The following DYNC1I1 variants were observed in gnomAD, a reference collection of about 807,000 sequenced individuals.
DYNC1I1 encodes the protein dynein cytoplasmic 1 intermediate chain 1, also known as cytoplasmic dynein 1 intermediate chain 1.
Under a neutral mutation model 86.6 loss-of-function variants are expected in DYNC1I1, and 43 were observed. That is an observed-to-expected ratio of 0.50 (90% CI 0.39 to 0.64). The LOEUF is 0.64. Among genes scored for constraint, DYNC1I1 ranks in the 30% least tolerant of loss-of-function variants. DYNC1I1 has a pLI of 0.00. For missense variants in DYNC1I1, 604 were observed against 788.8 expected (o/e 0.77, Z 2.81); for synonymous variants, 262 against 283.7 (o/e 0.92, Z 0.77).
intron 10 of DYNC1I1, among the ~76,000 whole-genome samples, chr7:96,000,475 G>T (rs575792808): frequency 6.6e-6 from 1 of 152,228 alleles, no homozygotes; most frequent in South Asian, 2.1e-4. Context: ...AACTTACATG[G>T]ATCAGACCAG....
intron 6 of DYNC1I1, among the ~76,000 whole-genome samples, chr7:95,916,519 G>A (rs1010553568): frequency 6.6e-6 from 1 of 152,156 alleles, no homozygotes; most frequent in Non-Finnish European, 1.5e-5. Context: ...TGTTCTATTA[G>A]ATCTGAGTTG....
chr7:96,051,584 C>T (rs916885093), intron 14 of DYNC1I1, among the ~76,000 whole-genome samples: 12 of 152,174 alleles, frequency 7.9e-5, no homozygotes, highest in African/African-American at 2.9e-4. Context: ...AGTTAACATG[C>T]ATCTCAATCC....
chr7:95,809,763 A>G (rs112727075), intron 2 of DYNC1I1, among the ~76,000 whole-genome samples: 3,350 of 152,264 alleles, frequency 0.022, 64 homozygotes, highest in Middle Eastern at 0.054. Flanking sequence ...TTTCTACATG[A>G]TAATTTTCTT....
intron 8 of DYNC1I1, among the ~76,000 whole-genome samples, chr7:95,986,271 C>T (rs545766777): frequency 6.6e-6 from 1 of 152,216 alleles, no homozygotes; most frequent in East Asian, 1.9e-4. Flanking sequence ...AATTTCTGAA[C>T]CAAAGCCCAA....
At chr7:95,995,488 A>T (rs1172738716) in intron 9 of DYNC1I1, among the ~76,000 whole-genome samples, 1 of 152,158 alleles carries the variant, frequency 6.6e-6, no homozygotes, top group Non-Finnish European at 1.5e-5. Flanking sequence ...AATTAAGCCT[A>T]GAGATATAGA....
At chr7:95,948,791 A>T (rs1050800721) in intron 6 of DYNC1I1, among the ~76,000 whole-genome samples, 2 of 152,178 alleles carry the variant, frequency 1.3e-5, no homozygotes, top group Non-Finnish European at 2.9e-5. Context: ...AGGTTTTGCA[A>T]AACTGGAGCA....
intron 6 of DYNC1I1, among the ~76,000 whole-genome samples, chr7:95,913,659 G>T (rs1188312219): frequency 3.3e-5 from 5 of 152,130 alleles, no homozygotes; most frequent in African/African-American, 9.7e-5. Flanking sequence ...CTCTTACCTA[G>T]TCTCAGGTAT....
chr7:96,050,437 A>G (rs1427250026), intron 14 of DYNC1I1, among the ~76,000 whole-genome samples: 1 of 152,254 alleles, frequency 6.6e-6, no homozygotes, highest in Non-Finnish European at 1.5e-5. Flanking sequence ...GCATATTTAG[A>G]GAAAATGCAA....
intron 1 of DYNC1I1, among the ~76,000 whole-genome samples, chr7:95,794,025 A>G (rs1465949004): frequency 6.6e-6 from 1 of 152,222 alleles, no homozygotes; most frequent in East Asian, 1.9e-4. Flanking sequence ...AAGTGCAGTC[A>G]TGGTAGCTTT....
intron 1 of DYNC1I1, among the ~76,000 whole-genome samples, chr7:95,785,819 T>A (rs963130892): frequency 1.7e-5 from 2 of 114,634 alleles, no homozygotes; most frequent in Middle Eastern, 0.011. Flanking sequence ...ATATATATAT[T>A]ATATATAACA....
intron 14 of DYNC1I1, among the ~76,000 whole-genome samples, chr7:96,065,073 A>G (rs1419227506): frequency 6.6e-6 from 1 of 152,192 alleles, no homozygotes; most frequent in Non-Finnish European, 1.5e-5. Context: ...CACTTGAAGA[A>G]TCAGCGTGCA....
At chr7:95,835,003 C>T (rs1789036003) in intron 5 of DYNC1I1, among the ~76,000 whole-genome samples, 1 of 130,726 alleles carries the variant, frequency 7.6e-6, no homozygotes, top group Non-Finnish European at 1.6e-5. Flanking sequence ...TTATTTCTTG[C>T]CTTCTGCTAG....
At chr7:96,104,634 TG>T (rs1157452512) in intron 16 of DYNC1I1, among the ~76,000 whole-genome samples, 3 of 152,156 alleles carry the variant, frequency 2.0e-5, no homozygotes, top group African/African-American at 7.2e-5. Flanking sequence ...ATTTTCTTTT[TG>T]TTCATTAAAT....
chr7:95,823,065 CTT>C (rs1795115451), intron 4 of DYNC1I1, among the ~76,000 whole-genome samples: 1 of 152,150 alleles, frequency 6.6e-6, no homozygotes, highest in South Asian at 2.1e-4. Flanking sequence ...GGAGAGAAGA[CTT>C]TGTTAGGCTT....
intron 10 of DYNC1I1, 135 bp from the exon 11 acceptor site, chr7:96,028,040 C>T (rs1258311751): frequency 1.6e-6 from 2 of 1,281,996 alleles, no homozygotes; most frequent in Admixed American, 2.2e-5. Flanking sequence ...TGCACTTTTA[C>T]AGTCCCAGCT....
intron 4 of DYNC1I1, among the ~76,000 whole-genome samples, chr7:95,813,703 C>T (rs1329160653): frequency 1.3e-5 from 2 of 152,078 alleles, no homozygotes; most frequent in Non-Finnish European, 1.5e-5. Flanking sequence ...TTTTGGTTTC[C>T]ATGAAAGTCT....
chr7:96,049,998 G>C (rs931978907), intron 14 of DYNC1I1, among the ~76,000 whole-genome samples: 4 of 149,358 alleles, frequency 2.7e-5, no homozygotes, highest in African/African-American at 1.0e-4. Context: ...CTCCAGACTG[G>C]ATGACAGAGA....
At chr7:95,797,889 A>G (rs952125866) in intron 1 of DYNC1I1, among the ~76,000 whole-genome samples, 4 of 152,238 alleles carry the variant, frequency 2.6e-5, no homozygotes, top group East Asian at 1.9e-4. Context: ...TTTGACTTCT[A>G]TTAAACCAGA....
intron 16 of DYNC1I1, among the ~76,000 whole-genome samples, chr7:96,094,014 T>TGA: frequency 6.6e-6 from 1 of 152,170 alleles, no homozygotes; most frequent in East Asian, 1.9e-4. Context: ...ACACAACAGA[T>TGA]ATCAGGAAAT....
Sources: gnomAD v4.1 joint callset for allele counts (sites outside exome capture counted in the v4.1 genomes callset) on GRCh38, gnomAD v4.1.1 for gene constraint, MANE v1.5 for transcripts, NCBI Gene and HGNC (gene_info 2026-07-23, HGNC 2026-07-21) for gene names.